Variants in FARS2 observed in about 807,000 individuals in gnomAD.
The protein encoded by FARS2 is phenylalanyl-tRNA synthetase 2, mitochondrial.
In FARS2, 40 loss-of-function variants were observed where a neutral mutation model predicts 46.4. The observed-to-expected ratio is 0.86, with a 90% confidence interval of 0.67 to 1.12. The LOEUF is 1.12. Ranked by LOEUF, FARS2 falls within the 50% of genes most tolerant of loss-of-function variation. The pLI is 0.00. For synonymous variants in FARS2, 234 were observed against 214.9 expected (o/e 1.09, Z -0.78); for missense variants, 513 against 567.9 (o/e 0.90, Z 0.98).
intron 3 of FARS2, among the ~76,000 whole-genome samples, chr6:5,414,779 A>T (rs1186691481): frequency 6.6e-6 from 1 of 150,614 alleles, no homozygotes; most frequent in Admixed American, 6.6e-5. Context: ...AAATAGCTAC[A>T]AATGGAATGG....
At chr6:5,756,476 A>C (rs1762209314) in intron 6 of FARS2, among the ~76,000 whole-genome samples, 1 of 151,560 alleles carries the variant, frequency 6.6e-6, no homozygotes, top group Non-Finnish European at 1.5e-5. Context: ...GGAAGCAGAC[A>C]TGTCTTACCA....
At chr6:5,484,251 G>T (rs141415558) in intron 4 of FARS2, among the ~76,000 whole-genome samples, 2 of 152,336 alleles carry the variant, frequency 1.3e-5, no homozygotes, top group African/African-American at 4.8e-5. Flanking sequence ...TCATTATGCT[G>T]TGAAGGAATT....
chr6:5,578,611 C>A (rs1414604791), intron 5 of FARS2, among the ~76,000 whole-genome samples: 1 of 151,914 alleles, frequency 6.6e-6, no homozygotes, highest in African/African-American at 2.4e-5. Flanking sequence ...AGATCGACAC[C>A]ATCCTGGCTA....
At chr6:5,599,072 G>A (rs59338076) in intron 5 of FARS2, among the ~76,000 whole-genome samples, 5,167 of 152,226 alleles carry the variant, frequency 0.034, 283 homozygotes, top group African/African-American at 0.12. Context: ...TGCAGAGACT[G>A]AGATGATGTG....
intron 5 of FARS2, among the ~76,000 whole-genome samples, chr6:5,592,252 G>A (rs1212870565): frequency 6.6e-6 from 1 of 152,088 alleles, no homozygotes; most frequent in Non-Finnish European, 1.5e-5. Flanking sequence ...CACACATAGT[G>A]GTATATGCTT....
chr6:5,411,864 C>T (rs114076021), intron 3 of FARS2, among the ~76,000 whole-genome samples: 2,224 of 152,162 alleles, frequency 0.015, 25 homozygotes, highest in Middle Eastern at 0.027. Context: ...CGAGTGTTTT[C>T]TGTATATTTT....
At position 5,694,850 on chromosome 6, in the gene FARS2, A is replaced by AAAAAAAAAG. The variant is rs1404789035; in HGVS notation, c.1218-76434_1218-76433insAGAAAAAAA. On this transcript the variant is annotated intron_variant, in intron 6 of 6. Coordinates refer to ENST00000274680, the MANE Select transcript of FARS2 (RefSeq NM_006567.5). ...GAACCCCCCACACCTCTACAAAAAA[A>AAAAAAAAAG]AAAAAAATTAGCCAAACTTGCTGGC... The AAAAAAAAAG allele has an allele frequency of 3.3e-5, 5 of 151,912 alleles. No individual in the cohort carries two copies. The South Asian group carries it at 1.0e-3, about 32-fold the overall frequency. 9.4% of individuals were successfully genotyped at this position (151,912 alleles called of 1,614,324 possible).
intron 4 of FARS2, among the ~76,000 whole-genome samples, chr6:5,454,402 C>T (rs1472132243): frequency 1.3e-5 from 2 of 151,952 alleles, no homozygotes; most frequent in Non-Finnish European, 2.9e-5. Flanking sequence ...AGTGCAGTGG[C>T]GTGATCTCGG....
At chr6:5,262,250 C>G (rs926859568) in intron 1 of FARS2, among the ~76,000 whole-genome samples, 3 of 152,144 alleles carry the variant, frequency 2.0e-5, no homozygotes, top group African/African-American at 7.2e-5. Context: ...TATGTCTAAA[C>G]AACTTTATAT....
At chr6:5,723,075 C>T (rs1323835039) in intron 6 of FARS2, among the ~76,000 whole-genome samples, 1 of 152,054 alleles carries the variant, frequency 6.6e-6, no homozygotes, top group East Asian at 1.9e-4. Context: ...GACAAAAGTC[C>T]TCATCCGAGT....
chr6:5,644,522 C>A (rs1420074514), intron 6 of FARS2, among the ~76,000 whole-genome samples: 1 of 152,030 alleles, frequency 6.6e-6, no homozygotes, highest in African/African-American at 2.4e-5. Flanking sequence ...CTGTTGTTTC[C>A]TTTTAACCCT....
At chr6:5,698,264 G>A (rs183495536) in intron 6 of FARS2, among the ~76,000 whole-genome samples, 1 of 152,142 alleles carries the variant, frequency 6.6e-6, no homozygotes, top group Non-Finnish European at 1.5e-5. Flanking sequence ...GGGAGGCCTC[G>A]GGAAGCTCAC....
At chr6:5,271,694 C>T (rs915525892) in intron 1 of FARS2, among the ~76,000 whole-genome samples, 5 of 151,312 alleles carry the variant, frequency 3.3e-5, no homozygotes, top group African/African-American at 9.7e-5. Context: ...TCCCGAGTAG[C>T]TGGGACTACA....
At chr6:5,671,092 G>A (rs968682656) in intron 6 of FARS2, among the ~76,000 whole-genome samples, 1 of 152,240 alleles carries the variant, frequency 6.6e-6, no homozygotes, top group Non-Finnish European at 1.5e-5. Context: ...GGTAGCATAA[G>A]CTAAAATTAT....
chr6:5,410,700 A>G (rs532864165), intron 3 of FARS2, among the ~76,000 whole-genome samples: 6 of 152,208 alleles, frequency 3.9e-5, no homozygotes, highest in Non-Finnish European at 8.8e-5. Context: ...GCACGTTGAC[A>G]AGGAGTTTTT....
At chr6:5,719,927 C>G (rs1447174237) in intron 6 of FARS2, among the ~76,000 whole-genome samples, 7 of 152,194 alleles carry the variant, frequency 4.6e-5, no homozygotes, top group Non-Finnish European at 8.8e-5. Flanking sequence ...TGTGGACTCT[C>G]TATTATACCA....
intron 4 of FARS2, among the ~76,000 whole-genome samples, chr6:5,445,812 GC>G (rs780438239): frequency 6.6e-6 from 1 of 152,200 alleles, no homozygotes; most frequent in Non-Finnish European, 1.5e-5. Context: ...ATGGGGACAT[GC>G]CCATCCATTG....
intron 2 of FARS2, among the ~76,000 whole-genome samples, chr6:5,386,713 GGT>G (rs1394676604): frequency 6.6e-6 from 1 of 152,080 alleles, no homozygotes; most frequent in Non-Finnish European, 1.5e-5. Context: ...TTGCTTTTTT[GGT>G]GCCATTCACA....
chr6:5,450,746 C>G (rs1189148737), intron 4 of FARS2, among the ~76,000 whole-genome samples: 1 of 152,036 alleles, frequency 6.6e-6, no homozygotes, highest in Admixed American at 6.6e-5. Context: ...AAGGTTGAGG[C>G]GGGAGAAGCA....
Sources: allele counts gnomAD v4.1 joint callset (sites outside exome capture counted in the v4.1 genomes callset), GRCh38; gene constraint gnomAD v4.1.1; transcripts MANE v1.5; gene names NCBI Gene and HGNC (gene_info 2026-07-23, HGNC 2026-07-21).